Variants in CACNA1E observed in about 807,000 individuals in gnomAD.
CACNA1E encodes voltage-dependent R-type calcium channel subunit alpha-1E.
CACNA1E carries 40 observed loss-of-function variants against 259.2 expected under a neutral mutation model. That is an observed-to-expected ratio of 0.15 (90% CI 0.12 to 0.20). The LOEUF (loss-of-function observed/expected upper bound fraction) is 0.20, where lower values mean the gene tolerates loss of function less well. CACNA1E is among the 10% of genes least tolerant of loss of function. The pLI is 1.00. For missense variants in CACNA1E, 1,874 were observed against 3,040.1 expected, an observed-to-expected ratio of 0.62 and a Z score of 9.02; for synonymous variants, 1,104 against 1,138.5, an observed-to-expected ratio of 0.97 and a Z score of 0.61.
intron 19 of CACNA1E, among the ~76,000 whole-genome samples, chr1:181,731,936 G>A (rs1558318175): frequency 2.6e-5 from 4 of 151,900 alleles, no homozygotes; most frequent in Admixed American, 1.3e-4. Flanking sequence ...TCATTATCCC[G>A]GGCTGTAACC....
At chr1:181,562,474 A>G (rs1022863115) in intron 3 of CACNA1E, among the ~76,000 whole-genome samples, 2 of 152,186 alleles carry the variant, frequency 1.3e-5, no homozygotes, top group African/African-American at 4.8e-5. Context: ...ATTGACATAG[A>G]AATTTGCCAT....
intron 8 of CACNA1E, among the ~76,000 whole-genome samples, chr1:181,711,716 G>A (rs1196587542): frequency 2.6e-5 from 4 of 152,172 alleles, no homozygotes; most frequent in Non-Finnish European, 1.5e-5. Context: ...AGTTCTGGGA[G>A]AGGAGTATTT....
rs4082256 is a variant in CACNA1E at position 181,359,065 on chromosome 1, C to T, written c.-15+40942C>T. ...TAACTGTTGGAGTCCTTGATAAATT[C>T]TTTACCTTTCTTGGGTTTAGTTCCC... is the stretch of plus-strand genomic sequence containing the variant. On this transcript the variant is annotated intron_variant, in intron 1 of 11. Transcript: ENST00000524607. Among the ~76,000 whole-genome samples the T allele has an allele frequency of 7.0e-3, 1,069 of 152,302 alleles. 10 individuals are homozygous for T. Among genetic ancestry groups the T allele is most frequent in the African/African-American group, 0.025 (1,019 of 41,558 alleles).
At chr1:181,452,574 C>T (rs1661225578) in intron 2 of CACNA1E, among the ~76,000 whole-genome samples, 1 of 152,120 alleles carries the variant, frequency 6.6e-6, no homozygotes. Context: ...AGCCAGGGCT[C>T]TCAGGAATTT....
At chr1:181,774,364 C>T (rs1437745604) in intron 37 of CACNA1E, among the ~76,000 whole-genome samples, 2 of 152,220 alleles carry the variant, frequency 1.3e-5, no homozygotes, top group African/African-American at 2.4e-5. Context: ...CACTGTGGCT[C>T]CAACCTCAGA....
chr1:181,789,079 TCA>T (rs1353788846), intron 43 of CACNA1E, among the ~76,000 whole-genome samples: 4 of 152,238 alleles, frequency 2.6e-5, no homozygotes, highest in African/African-American at 9.6e-5. Flanking sequence ...CAGGTTGGTC[TCA>T]GATTCCTGAG....
chr1:181,343,853 G>A (rs550773370), intron 1 of CACNA1E, among the ~76,000 whole-genome samples: 1 of 152,054 alleles, frequency 6.6e-6, no homozygotes, highest in East Asian at 2.0e-4. Context: ...AGAAAACAAA[G>A]TCCTCATTGT....
Position 181,798,546 on chromosome 1 carries a change from G to A in CACNA1E, c.6654G>A (p.Gln2218=), listed in dbSNP as rs753765508. ...CTTCCAACTCTCCGCACCCCCAGCA[G>A]AGCCAACATGCCTCCCCACAGCGCT... The part of the protein sequence containing the change: ...TESSNSPHPQ[Q]SQHASPQRYI... Residue 2218 remains glutamine, a synonymous_variant, in exon 48 of 48, where the codon CAG becomes CAA. Transcript: ENST00000367573. This position sits in a 1 kb window ranked among gnomAD's most constrained non-coding sequence, Gnocchi z 4.2. The A allele has an allele frequency of 1.2e-6, 2 of 1,613,710 alleles. No individual in the cohort carries two copies. Among genetic ancestry groups the A allele is most frequent in the African/African-American group, 1.3e-5 (1 of 74,930 alleles).
chr1:181,384,448 G>T (rs2102009333), intron 1 of CACNA1E, among the ~76,000 whole-genome samples: 1 of 152,252 alleles, frequency 6.6e-6, no homozygotes, highest in South Asian at 2.1e-4. Context: ...GGGGAAAAAT[G>T]GAGGCCCTCC....
chr1:181,332,400 A>G (rs958928017), intron 1 of CACNA1E, among the ~76,000 whole-genome samples: 9 of 152,216 alleles, frequency 5.9e-5, no homozygotes, highest in Admixed American at 6.5e-5. Flanking sequence ...AAAAGAGATA[A>G]TGAAACATAG....
chr1:181,360,414 AAAGG>A (rs1481515542), intron 1 of CACNA1E, among the ~76,000 whole-genome samples: 1 of 152,248 alleles, frequency 6.6e-6, no homozygotes, highest in African/African-American at 2.4e-5. Context: ...TTAGCCATAA[AAAGG>A]AAGGGAGTAC....
intron 2 of CACNA1E, among the ~76,000 whole-genome samples, chr1:181,452,384 T>C (rs1661208973): frequency 6.6e-6 from 1 of 152,202 alleles, no homozygotes; most frequent in African/African-American, 2.4e-5. Context: ...AATTAATAAG[T>C]TATGGAGCCA....
chr1:181,755,094 C>T, intron 27 of CACNA1E, 143 bp from the exon 28 acceptor site: 1 of 592,494 alleles, frequency 1.7e-6, no homozygotes, highest in Non-Finnish European at 2.9e-6. Context: ...TCATGAGCAC[C>T]ACCTCACCTC....
intron 6 of CACNA1E, among the ~76,000 whole-genome samples, chr1:181,595,958 C>T (rs1001381183): frequency 6.6e-6 from 1 of 152,112 alleles, no homozygotes; most frequent in African/African-American, 2.4e-5. Flanking sequence ...GTATGGACCT[C>T]TCTTTTATAT....
intron 6 of CACNA1E, among the ~76,000 whole-genome samples, chr1:181,626,655 A>G (rs1008542065): frequency 3.3e-5 from 5 of 152,236 alleles, no homozygotes; most frequent in African/African-American, 1.2e-4. Context: ...ATGTCAGCAA[A>G]TGCAGAGGAG....
At chr1:181,391,658 C>A (rs1406642130) in intron 1 of CACNA1E, among the ~76,000 whole-genome samples, 4 of 152,182 alleles carry the variant, frequency 2.6e-5, no homozygotes, top group African/African-American at 9.6e-5. Context: ...TAGTCTCCCC[C>A]TGGGGCCTCC....
chr1:181,755,740 G>T (rs549244241), intron 28 of CACNA1E, among the ~76,000 whole-genome samples: 15 of 152,358 alleles, frequency 9.8e-5, no homozygotes, highest in Admixed American at 2.6e-4. Context: ...ACAGCCAGTA[G>T]TGAAAGGGTT....
At position 181,734,907 on chromosome 1, in the gene CACNA1E, ACCCCATACCCCATCCC is replaced by A. The variant is rs1572741862; in HGVS notation, c.3262+1158_3262+1173del. 4.6e-5 allele frequency among the ~76,000 whole-genome samples: 7 copies of A among 151,810 alleles called. No homozygotes were observed. The East Asian group carries it at 1.2e-3, about 25-fold the overall frequency. ...AATTCCACACCCTATCCTTGCCCTGACCCCATACCCCATCCCTGCTCTGGCCTCATGATCTCTGTGC... is the reference window on the plus strand; with the variant it reads ...AATTCCACACCCTATCCTTGCCCTGATGCTCTGGCCTCATGATCTCTGTGC... On this transcript the variant is annotated intron_variant, in intron 21 of 47. Transcript: ENST00000367573.
chr1:181,372,146 G>A (rs1046618064), intron 1 of CACNA1E, among the ~76,000 whole-genome samples: 1 of 152,174 alleles, frequency 6.6e-6, no homozygotes, highest in African/African-American at 2.4e-5. Flanking sequence ...GACATTGGTA[G>A]TTCGGTAGGA....
Sources: allele counts gnomAD v4.1 joint callset (sites outside exome capture counted in the v4.1 genomes callset), GRCh38; gene constraint gnomAD v4.1.1; non-coding constraint Gnocchi (gnomAD v3.1); transcripts MANE v1.5; gene names NCBI Gene and HGNC (gene_info 2026-07-23, HGNC 2026-07-21).